The following DAPK1 variants were observed in gnomAD, a reference collection of about 807,000 sequenced individuals.
DAPK1 encodes the protein death associated protein kinase 1.
A neutral mutation model predicts 144.9 loss-of-function variants in DAPK1; 56 were observed. The ratio of observed to expected loss-of-function variants is 0.39; its 90% CI spans 0.31 to 0.48. The LOEUF (loss-of-function observed/expected upper bound fraction) is 0.48. Ranked by LOEUF, DAPK1 falls within the 20% of genes least tolerant of loss-of-function variation. DAPK1 has a pLI of 0.95. For synonymous variants in DAPK1, 690 were observed against 749.0 expected (o/e 0.92, Z 1.29); for missense variants, 1,454 against 1,875.4 (o/e 0.78, Z 4.15).
At chr9:87,703,813 A>G (rs3118859) in intron 25 of DAPK1, among the ~76,000 whole-genome samples, 92,241 of 152,052 alleles carry the variant, frequency 0.61, 28,575 homozygotes, top group Middle Eastern at 0.78. Context: ...ATTGAGCACC[A>G]GGGCGCGGTT....
In DAPK1 at chr9:87,632,004, G is replaced by A. The variant is rs1040230006; in HGVS notation, c.285-5939G>A. On this transcript the variant is annotated intron_variant, in intron 3 of 25. Transcript: ENST00000408954. ...GAAATAAAGGAAGATGAGTATATAT[G>A]TAGAGATGAAGGAGGATGAGTATAT... 1.7e-5 allele frequency: 13 copies of A among 756,564 alleles called. No homozygotes were observed. In the African/African-American group the frequency reaches 2.2e-4, roughly 13 times the overall value. 46.9% of individuals were successfully genotyped at this position (756,564 alleles called of 1,614,324 possible). A position where few individuals can be genotyped will look rare whatever the true frequency, so the allele number is the denominator to read the frequency against.
intron 18 of DAPK1, among the ~76,000 whole-genome samples, chr9:87,665,514 A>T (rs917718102): frequency 2.0e-5 from 3 of 152,152 alleles, no homozygotes; most frequent in African/African-American, 4.8e-5. Flanking sequence ...TTCACTGGGG[A>T]TACACAAATA....
At chr9:87,668,524 A>G in intron 18 of DAPK1, 73 bp from the exon 19 acceptor site, 1 of 872,208 alleles carries the variant, frequency 1.1e-6, no homozygotes. Context: ...CCTCAGACCC[A>G]CGGAATTGGC....
chr9:87,519,910 A>G lies in DAPK1; in HGVS notation c.62+20771A>G, dbSNP rs1825231713. Among the ~76,000 whole-genome samples, 4 of 152,034 alleles carry G rather than the reference A, an allele frequency of 2.6e-5. No homozygotes were observed. In the South Asian group the frequency reaches 8.3e-4, roughly 32 times the overall value. ...TGCTCTCCAGCTTGGCCTTTGATCCAGACACTAGGGACGAGGCTGTCACTG... is the reference window on the plus strand; with the variant it reads ...TGCTCTCCAGCTTGGCCTTTGATCCGGACACTAGGGACGAGGCTGTCACTG... On this transcript the variant is annotated intron_variant, in intron 2 of 25. Transcript: ENST00000408954.
chr9:87,693,408 A>C (rs1825145629), intron 21 of DAPK1, among the ~76,000 whole-genome samples: 1 of 151,904 alleles, frequency 6.6e-6, no homozygotes, highest in Admixed American at 6.6e-5. Context: ...GAAGTTCTTC[A>C]ATTCTAGAAT....
chr9:87,572,434 C>T (rs774073922), intron 2 of DAPK1, among the ~76,000 whole-genome samples: 4 of 152,074 alleles, frequency 2.6e-5, no homozygotes, highest in Non-Finnish European at 4.4e-5. Flanking sequence ...ATTCAGTAGG[C>T]GATATTGTTT....
intron 2 of DAPK1, among the ~76,000 whole-genome samples, chr9:87,535,854 A>C (rs1825844377): frequency 6.6e-6 from 1 of 152,328 alleles, no homozygotes; most frequent in Non-Finnish European, 1.5e-5. Flanking sequence ...ACACAGATGT[A>C]AACCGGAAGG....
At chr9:87,646,351 C>T (rs1830264746) in intron 12 of DAPK1, 110 bp from the exon 13 acceptor site, 2 of 812,244 alleles carry the variant, frequency 2.5e-6, no homozygotes, top group Non-Finnish European at 4.1e-6. Flanking sequence ...GCAGTGGTAG[C>T]TCTATGTCTG....
rs1828307943 is a variant in DAPK1, at chr9:87,596,146, C to T, written c.63-8808C>T. Among the ~76,000 whole-genome samples, 4 of 152,222 alleles carry T rather than the reference C, an allele frequency of 2.6e-5. No homozygotes were observed. The South Asian group carries it at 8.3e-4, about 32-fold the overall frequency. On this transcript the variant is annotated intron_variant, in intron 2 of 25. Coordinates refer to ENST00000408954, the MANE Select transcript of DAPK1 (RefSeq NM_004938.4). ...TACTGAGTTCCCATACAGGGTTTGCCTTCATCCTGTGCTGAAATCCGTGAA... is the reference window on the plus strand; with the variant it reads ...TACTGAGTTCCCATACAGGGTTTGCTTTCATCCTGTGCTGAAATCCGTGAA...
At chr9:87,554,535 G>C (rs1459495471) in intron 2 of DAPK1, 2 of 152,124 alleles carry the variant, frequency 1.3e-5, no homozygotes, top group Admixed American at 6.5e-5. Context: ...CTGGAACTCT[G>C]TCTTTGACTC....
Position 87,599,307 on chromosome 9 carries a change from A to T in DAPK1, c.63-5647A>T, listed in dbSNP as rs141691454. On this transcript the variant is annotated intron_variant, in intron 2 of 25. Transcript: ENST00000408954. ...CAGAAGAGATGACGATGTGTATCTCATGGAGTTGTGATTATTAATAAAGAA... is the reference window on the plus strand; with the variant it reads ...CAGAAGAGATGACGATGTGTATCTCTTGGAGTTGTGATTATTAATAAAGAA... Among the ~76,000 whole-genome samples the T allele has an allele frequency of 2.0e-5, 3 of 152,312 alleles. No individual in the cohort carries two copies. The East Asian group carries it at 5.8e-4, about 29-fold the overall frequency.
At chr9:87,523,708 A>G (rs1169752404) in intron 2 of DAPK1, among the ~76,000 whole-genome samples, 1 of 152,044 alleles carries the variant, frequency 6.6e-6, no homozygotes, top group Admixed American at 6.6e-5. Flanking sequence ...TTTCGTGTGA[A>G]GTGTGAAGTA....
intron 3 of DAPK1, chr9:87,632,892 G>A: frequency 1.1e-6 from 1 of 905,212 alleles, no homozygotes. Flanking sequence ...ATGTAGGGAT[G>A]AAGGAGGATG....
chr9:87,640,813 C>G lies in DAPK1; in HGVS notation c.794C>G (p.Thr265Arg). 1 of 1,614,096 alleles carries G rather than the reference C, an allele frequency of 6.2e-7. No homozygotes were observed. The highest frequency in any genetic ancestry group is 8.5e-7 in the Non-Finnish European group (1 of 1,179,976). Reference sequence around the variant, plus strand: ...CCCCTCCCCTCAAGGAAGAGAATGACAATTCAAGATAGTTTGCAGCATCCC... The same window carrying G: ...CCCCTCCCCTCAAGGAAGAGAATGAGAATTCAAGATAGTTTGCAGCATCCC... ...LLVKDPKKRM[T>R]IQDSLQHPWI... Residue 265 changes from threonine (T) to arginine (R), a missense_variant, in exon 9 of 26, where the codon ACA becomes AGA. Coordinates refer to ENST00000408954, the MANE Select transcript of DAPK1 (RefSeq NM_004938.4).
At chr9:87,614,359 A>T (rs887766296) in intron 3 of DAPK1, among the ~76,000 whole-genome samples, 1 of 152,194 alleles carries the variant, frequency 6.6e-6, no homozygotes, top group Non-Finnish European at 1.5e-5. Context: ...TACATGAGCT[A>T]TAAGTAATAT....
chr9:87,681,433 G>T lies in DAPK1; in HGVS notation c.2031G>T (p.Gln677His), dbSNP rs1489153930. Reference sequence around the variant, plus strand: ...CGCACCGAGGACTCTTCATCCAGCAGCTCCGACCCACACAGAACCTGCAGC... The same window carrying T: ...CGCACCGAGGACTCTTCATCCAGCATCTCCGACCCACACAGAACCTGCAGC... ...KDTHRGLFIQ[Q>H]LRPTQNLQPR... The change falls in exon 20 of 26, where the codon CAG (glutamine) becomes CAT (histidine). Residue 677 changes from glutamine to histidine, a missense_variant. Gln to His is a conservative substitution (Grantham distance 24, BLOSUM62 0). Coordinates refer to ENST00000408954, the MANE Select transcript of DAPK1 (RefSeq NM_004938.4). 1 of 1,612,842 alleles carries T rather than the reference G, an allele frequency of 6.2e-7. No individual in the cohort carries two copies. Among genetic ancestry groups the T allele is most frequent in the African/African-American group, 1.3e-5 (1 of 75,006 alleles).
rs1265522875 is a variant in DAPK1, at chr9:87,498,044, C to T, written c.-172C>T. ...CCGCCGCCCCGGCTAGTCTCCGGCG[C>T]TGGCGCCTATGGTCGGCCTCCGACA... On this transcript the variant is annotated 5_prime_UTR_variant, in exon 1 of 26. Transcript: ENST00000408954. 1 of 397,858 alleles carries T rather than the reference C, an allele frequency of 2.5e-6. No homozygotes were observed. Among genetic ancestry groups the T allele is most frequent in the African/African-American group, 2.1e-5 (1 of 48,618 alleles). 24.6% of individuals were successfully genotyped at this position (397,858 alleles called of 1,614,324 possible). A position where few individuals can be genotyped will look rare whatever the true frequency, so the allele number is the denominator to read the frequency against.
chr9:87,583,325 TG>T (rs750413959), intron 2 of DAPK1, among the ~76,000 whole-genome samples: 1 of 152,150 alleles, frequency 6.6e-6, no homozygotes, highest in Non-Finnish European at 1.5e-5. Context: ...TAGCAGTCAC[TG>T]GGAATGCAGG....
chr9:87,683,085 A>ATTTATTTTT (rs760162020), intron 20 of DAPK1, among the ~76,000 whole-genome samples: 1 of 112,552 alleles, frequency 8.9e-6, no homozygotes, highest in African/African-American at 2.7e-5. Flanking sequence ...TATTTTATTT[A>ATTTATTTTT]TTTTTTTTTT....
Sources: allele counts gnomAD v4.1 joint callset (sites outside exome capture counted in the v4.1 genomes callset), GRCh38; gene constraint gnomAD v4.1.1; transcripts MANE v1.5; gene names NCBI Gene and HGNC (gene_info 2026-07-23, HGNC 2026-07-21).